Variants in TAS2R1 observed in about 807,000 individuals in gnomAD.
TAS2R1 encodes taste receptor type 2 member 1.
For synonymous variants in TAS2R1, 141 were observed against 134.2 expected (o/e 1.05, Z -0.35); for missense variants, 370 against 353.4 (o/e 1.05, Z -0.38).
At chr5:9,778,392 A>C in the TAS2R1 span, among the ~76,000 whole-genome samples, 57 of 152,292 alleles carry the variant, frequency 3.7e-4, no homozygotes, top group Middle Eastern at 0.017. Context: ...ATGGTAAATG[A>C]GCCCTGGCTT....
At chr5:9,666,948 TATTA>T (rs1289363081) in intron 1 of TAS2R1, among the ~76,000 whole-genome samples, 1 of 152,128 alleles carries the variant, frequency 6.6e-6, no homozygotes, top group Non-Finnish European at 1.5e-5. Context: ...GAGATAGCGA[TATTA>T]ACTAAAAAAT....
the TAS2R1 span, among the ~76,000 whole-genome samples, chr5:9,789,515 T>C: frequency 2.0e-5 from 3 of 152,188 alleles, no homozygotes; most frequent in Non-Finnish European, 4.4e-5. Flanking sequence ...TTGCATAGAT[T>C]CTAAGACATC....
At chr5:9,824,791 G>T in the TAS2R1 span, among the ~76,000 whole-genome samples, 1 of 148,024 alleles carries the variant, frequency 6.8e-6, no homozygotes, top group African/African-American at 2.5e-5. Flanking sequence ...AGGTTGCAGC[G>T]AGCCAAGATC....
At chr5:9,846,830 C>T in the TAS2R1 span, among the ~76,000 whole-genome samples, 1 of 152,204 alleles carries the variant, frequency 6.6e-6, no homozygotes, top group Admixed American at 6.5e-5. Context: ...CAAGCCCACA[C>T]TTTTCTAACT....
At chr5:9,717,252 G>GT, upstream of TAS2R1, among the ~76,000 whole-genome samples, 1 of 152,180 alleles carries the variant, frequency 6.6e-6, no homozygotes, top group East Asian at 1.9e-4. Flanking sequence ...CATACTACTT[G>GT]TGGGGGATAA....
chr5:9,721,658 G>C, the TAS2R1 span, among the ~76,000 whole-genome samples: 1 of 152,206 alleles, frequency 6.6e-6, no homozygotes. Context: ...ACAACTGCAA[G>C]TGATATTGAA....
chr5:9,879,034 T>C, the TAS2R1 span, among the ~76,000 whole-genome samples: 1 of 152,122 alleles, frequency 6.6e-6, no homozygotes, highest in Non-Finnish European at 1.5e-5. Context: ...TGTAATGGAG[T>C]GCTCAAACCT....
At chr5:9,679,597 T>C (rs952505497) in intron 1 of TAS2R1, among the ~76,000 whole-genome samples, 1 of 152,168 alleles carries the variant, frequency 6.6e-6, no homozygotes, top group Non-Finnish European at 1.5e-5. Flanking sequence ...CTGATACTAC[T>C]TACATGTACA....
At chr5:9,756,238 C>T in the TAS2R1 span, among the ~76,000 whole-genome samples, 3 of 152,154 alleles carry the variant, frequency 2.0e-5, no homozygotes, top group Non-Finnish European at 2.9e-5. Context: ...CTGTACCTTA[C>T]GCGAGAGCCT....
the TAS2R1 span, among the ~76,000 whole-genome samples, chr5:9,720,496 C>G: frequency 1.3e-5 from 2 of 152,224 alleles, no homozygotes; most frequent in Non-Finnish European, 2.9e-5. Flanking sequence ...ACCCACATTC[C>G]TTAGGCCAAA....
At chr5:9,891,316 T>C in the TAS2R1 span, among the ~76,000 whole-genome samples, 1 of 152,198 alleles carries the variant, frequency 6.6e-6, no homozygotes, top group East Asian at 1.9e-4. Context: ...TCTCATTTCA[T>C]GTTCTTTCAT....
chr5:9,713,478 C>T (rs545173826), upstream of TAS2R1, among the ~76,000 whole-genome samples: 1 of 152,118 alleles, frequency 6.6e-6, no homozygotes, highest in Non-Finnish European at 1.5e-5. Flanking sequence ...CTCCCACCCC[C>T]CACTGCTTTG....
the TAS2R1 span, among the ~76,000 whole-genome samples, chr5:9,771,274 T>A: frequency 1.5e-3 from 229 of 152,340 alleles, no homozygotes; most frequent in African/African-American, 5.3e-3. Flanking sequence ...GTTGAAATGA[T>A]CACGTGGTTT....
the TAS2R1 span, among the ~76,000 whole-genome samples, chr5:9,765,231 A>T: frequency 2.0e-5 from 3 of 152,144 alleles, no homozygotes; most frequent in East Asian, 1.9e-4. Flanking sequence ...TATTTAAATT[A>T]AAAAAATCAA....
the TAS2R1 span, among the ~76,000 whole-genome samples, chr5:9,837,525 C>A: frequency 6.6e-6 from 1 of 152,212 alleles, no homozygotes; most frequent in African/African-American, 2.4e-5. Flanking sequence ...ATGAATTTGC[C>A]TCTGCTGGTC....
chr5:9,837,556 C>T, the TAS2R1 span, among the ~76,000 whole-genome samples: 6 of 152,322 alleles, frequency 3.9e-5, no homozygotes, highest in East Asian at 9.6e-4. Context: ...GATGGCCCCT[C>T]GCCCTGTTTC....
At chr5:9,756,897 C>T in the TAS2R1 span, among the ~76,000 whole-genome samples, 2 of 152,138 alleles carry the variant, frequency 1.3e-5, no homozygotes, top group East Asian at 1.9e-4. Context: ...ATAATATGCT[C>T]ATAAAGAACC....
At chr5:9,841,297 T>C in the TAS2R1 span, among the ~76,000 whole-genome samples, 5 of 152,222 alleles carry the variant, frequency 3.3e-5, no homozygotes, top group Admixed American at 6.5e-5. Flanking sequence ...CTTGAAATAT[T>C]ACATATTCCC....
At position 9,629,355 on chromosome 5, in the gene TAS2R1, C is replaced by T. The variant is rs140696180; in HGVS notation, c.678G>A (p.Ala226=). Residue 226 remains alanine (A), a synonymous_variant, in exon 1 of 1, where the codon GCG becomes GCA. Coordinates refer to ENST00000382492, the MANE Select transcript of TAS2R1 (RefSeq NM_019599.3). ...TCAGGAAGGACAGGATAGACAGCAACGCGCTGATGGGTGCACCCCTGCCAG... is the reference window on the plus strand; with the variant it reads ...TCAGGAAGGACAGGATAGACAGCAATGCGCTGATGGGTGCACCCCTGCCAG... ...RVPGRGAPIS[A]LLSILSFLIL... The T allele has an allele frequency of 2.9e-5, 46 of 1,613,696 alleles. No homozygotes were observed. The highest frequency in any genetic ancestry group is 1.6e-4 in the Middle Eastern group (1 of 6,082).
Sources: allele counts gnomAD v4.1 joint callset (sites outside exome capture counted in the v4.1 genomes callset), GRCh38; gene constraint gnomAD v4.1.1; transcripts MANE v1.5; gene names NCBI Gene and HGNC (gene_info 2026-07-23, HGNC 2026-07-21).